Variants in SH3D21 observed in about 807,000 individuals in gnomAD.
SH3D21 encodes the protein SH3 domain-containing protein 21.
Under a neutral mutation model 82.1 loss-of-function variants are expected in SH3D21, and 83 were observed. The ratio of observed to expected loss-of-function variants is 1.01; its 90% CI spans 0.85 to 1.21. SH3D21 has a LOEUF of 1.21. Ranked by LOEUF, SH3D21 falls within the 50% of genes most tolerant of loss-of-function variation. The pLI is 0.00. For missense variants in SH3D21, 980 were observed against 962.1 expected, an observed-to-expected ratio of 1.02 and a Z score of -0.25; for synonymous variants, 383 against 387.8, an observed-to-expected ratio of 0.99 and a Z score of 0.15.
intron 10 of SH3D21, among the ~76,000 whole-genome samples, chr1:36,314,421 A>G (rs947211631): frequency 6.6e-6 from 1 of 150,838 alleles, no homozygotes; most frequent in Admixed American, 6.6e-5. Flanking sequence ...CTAATCATAT[A>G]TATGCGTATA....
In SH3D21 at chr1:36,321,029, C is replaced by G. The variant is rs1553131409; in HGVS notation, c.2200-27C>G. ...GGGCTGACGGCGAGTGGCCCCCTGA[C>G]AAAGTCTCCACCTCACTCCCGACCA... On this transcript the variant is annotated intron_variant, in intron 15 of 15. Coordinates refer to ENST00000453908, the MANE Select transcript of SH3D21 (RefSeq NM_001162530.2). The surrounding 1 kb of genome is among the most constrained non-coding windows in gnomAD (Gnocchi z 6.1). The G allele has an allele frequency of 1.2e-6, 2 of 1,602,110 alleles. No homozygotes were observed. Among genetic ancestry groups the G allele is most frequent in the Admixed American group, 3.4e-5 (2 of 58,698 alleles).
At position 36,307,119 on chromosome 1, in the gene SH3D21, C is replaced by T; in HGVS notation, c.227-48C>T. 1 of 1,548,886 alleles carries T rather than the reference C, an allele frequency of 6.5e-7. No homozygotes were observed. The highest frequency in any genetic ancestry group is 2.4e-5 in the East Asian group (1 of 40,844). On this transcript the variant is annotated intron_variant, in intron 3 of 15. Transcript: ENST00000453908. This position sits in a 1 kb window ranked among gnomAD's most constrained non-coding sequence, Gnocchi z 5.4. ...GCGCCTTGCGCTTCCCCCAGCTCCTCTGACTGGGGCGTCCGACTGGAGCTC... is the reference window on the plus strand; with the variant it reads ...GCGCCTTGCGCTTCCCCCAGCTCCTTTGACTGGGGCGTCCGACTGGAGCTC...
At position 36,309,571 on chromosome 1, in the gene SH3D21, A is replaced by T. The variant is rs1467114453; in HGVS notation, c.750A>T (p.Lys250Asn). ...PPPIKKLVPR[K>N]VVSRESAPIK... The stretch of plus-strand genomic sequence containing the variant: ...AGATCAAGAAGCTGGTCCCACGGAA[A>T]GTGGTATCTCGGGAATCAGGTGAGT... The change falls in exon 10 of 16, where the codon AAA (lysine) becomes AAT (asparagine). Residue 250 changes from lysine to asparagine, a missense_variant. Coordinates refer to ENST00000453908, the MANE Select transcript of SH3D21 (RefSeq NM_001162530.2). 1.9e-6 allele frequency: 3 copies of T among 1,551,556 alleles called. No individual in the cohort carries two copies. In the Admixed American group the frequency reaches 5.9e-5, roughly 30 times the overall value.
At chr1:36,316,761 C>T (rs944203255) in intron 10 of SH3D21, among the ~76,000 whole-genome samples, 3 of 131,484 alleles carry the variant, frequency 2.3e-5, no homozygotes, top group South Asian at 2.5e-4. Context: ...TCAGTTCTCT[C>T]TCTTTTTTTT....
At chr1:36,309,691 C>T in intron 10 of SH3D21, 101 bp downstream of exon 10, 1 of 1,286,040 alleles carries the variant, frequency 7.8e-7, no homozygotes, top group Non-Finnish European at 1.1e-6. Context: ...CCAGTATGCC[C>T]CTATAGGAGC....
chr1:36,324,646 C>G (rs1245281223), downstream of SH3D21: 1 of 152,222 alleles, frequency 6.6e-6, no homozygotes, highest in Non-Finnish European at 1.5e-5. Flanking sequence ...CCTACTCCCC[C>G]AGTCCCGAGA....
At chr1:36,311,441 C>T (rs994136730) in intron 10 of SH3D21, among the ~76,000 whole-genome samples, 3 of 150,882 alleles carry the variant, frequency 2.0e-5, no homozygotes, top group African/African-American at 7.3e-5. Flanking sequence ...GGGGTTTCAC[C>T]GTGTTAGCCA....
chr1:36,313,715 C>T (rs1646283551), intron 10 of SH3D21, among the ~76,000 whole-genome samples: 1 of 151,788 alleles, frequency 6.6e-6, no homozygotes, highest in Non-Finnish European at 1.5e-5. Context: ...TAGGTGTGCA[C>T]CACCACACCT....
intron 10 of SH3D21, among the ~76,000 whole-genome samples, chr1:36,315,916 T>C (rs1188200811): frequency 1.3e-5 from 2 of 152,270 alleles, no homozygotes; most frequent in African/African-American, 4.8e-5. Flanking sequence ...TTTTCAAGAA[T>C]GCTATTTTTC....
chr1:36,309,210 T>C (rs905128032), intron 9 of SH3D21, among the ~76,000 whole-genome samples: 3 of 151,594 alleles, frequency 2.0e-5, no homozygotes, highest in Admixed American at 2.0e-4. Flanking sequence ...TTTTTTTTTT[T>C]CTTGAAGACA....
At chr1:36,310,612 CAAAA>C (rs1297798016) in intron 10 of SH3D21, among the ~76,000 whole-genome samples, 1 of 120,606 alleles carries the variant, frequency 8.3e-6, no homozygotes, top group South Asian at 2.6e-4. Flanking sequence ...GACTCTGTCT[CAAAA>C]AAAAAAAAAA....
rs1255651019 is a variant in SH3D21 at position 36,307,925 on chromosome 1, G to T, written c.500G>T (p.Ser167Ile). ...PGPQRPPKLS[S>I]LAYDSPPDYL... ...TGCCCCTTCCCCCACTAGCTGAGCA[G>T]CCTGGCCTATGACAGCCCTCCAGAC... The change falls in exon 7 of 16, where the codon AGC becomes ATC. Residue 167 changes from serine (S) to isoleucine (I), a missense_variant. By Grantham distance (142) the Ser-to-Ile change is moderately radical (BLOSUM62 -2). Coordinates refer to ENST00000453908, the MANE Select transcript of SH3D21 (RefSeq NM_001162530.2). The surrounding 1 kb of genome is among the most constrained non-coding windows in gnomAD (Gnocchi z 5.4). 6.4e-7 allele frequency: 1 copy of T among 1,551,740 alleles called. No homozygotes were observed. Among genetic ancestry groups the T allele is most frequent in the African/African-American group, 1.4e-5 (1 of 73,170 alleles).
chr1:36,310,038 T>C (rs1466107153), intron 10 of SH3D21, among the ~76,000 whole-genome samples: 2 of 152,096 alleles, frequency 1.3e-5, no homozygotes, highest in African/African-American at 2.4e-5. Context: ...CACTGCAAGC[T>C]CCACCTCCTG....
intron 10 of SH3D21, among the ~76,000 whole-genome samples, chr1:36,315,768 C>G (rs1024330147): frequency 6.6e-6 from 1 of 152,220 alleles, no homozygotes; most frequent in Non-Finnish European, 1.5e-5. Flanking sequence ...ATTGCTGTCA[C>G]GCTGTTCATT....
At chr1:36,327,773 G>T (rs1173436475), downstream of SH3D21, 3 of 1,251,940 alleles carry the variant, frequency 2.4e-6, no homozygotes, top group African/African-American at 4.6e-5. Context: ...CCTTGCCCTG[G>T]AGGGTTTTGA....
rs754514232 is a variant in SH3D21 at position 36,307,172 on chromosome 1, C to A, written c.232C>A (p.Pro78Thr). The change falls in exon 4 of 16, where the codon CCT becomes ACT. Residue 78 changes from proline (P) to threonine (T), a missense_variant. By Grantham distance (38) the Pro-to-Thr change is conservative (BLOSUM62 -1). Transcript: ENST00000453908. The surrounding 1 kb of genome is among the most constrained non-coding windows in gnomAD (Gnocchi z 5.4). ...RPRCARRRGH[P>T]AKHPRPQRWC... is the part of the protein sequence containing the mutation. The stretch of plus-strand genomic sequence containing the variant: ...CCGCGCTTGTCCGGTGCTAGGTCAT[C>A]CTGCCAAACACCCGAGGCCCCAAAG... 8 of 1,551,676 alleles carry A rather than the reference C, an allele frequency of 5.2e-6. No individual in the cohort carries two copies.
chr1:36,313,967 A>ATTTTATT, intron 10 of SH3D21, among the ~76,000 whole-genome samples: 1 of 36,936 alleles, frequency 2.7e-5, no homozygotes, highest in African/African-American at 7.0e-5. Flanking sequence ...TGCTGAACAT[A>ATTTTATT]TTTTCTTTTT....
In SH3D21 at chr1:36,306,461, A is replaced by G; in HGVS notation, c.4+37A>G. On this transcript the variant is annotated intron_variant, in intron 1 of 15. Transcript: ENST00000453908. The surrounding 1 kb of genome is among the most constrained non-coding windows in gnomAD (Gnocchi z 4.5). ...GGCTTTGAGGTGGCCTCTCTCTGCA[A>G]CCGTGGACATAGCAAGAGCCCACAC... is the stretch of plus-strand genomic sequence containing the variant. The G allele has an allele frequency of 7.7e-7, 1 of 1,305,316 alleles. No homozygotes were observed. Among genetic ancestry groups the G allele is most frequent in the Non-Finnish European group, 1.0e-6 (1 of 988,944 alleles). The allele number at this position is 1,305,316 out of a possible 1,614,324, so 80.9% of individuals were successfully genotyped here.
At chr1:36,327,006 G>A (rs1274910736), downstream of SH3D21, among the ~76,000 whole-genome samples, 2 of 152,132 alleles carry the variant, frequency 1.3e-5, no homozygotes, top group African/African-American at 4.8e-5. Flanking sequence ...ACATAAGATG[G>A]ATTTACCACC....
Sources: gnomAD v4.1 joint callset for allele counts (sites outside exome capture counted in the v4.1 genomes callset) on GRCh38, gnomAD v4.1.1 for gene constraint, Gnocchi (gnomAD v3.1) non-coding constraint, MANE v1.5 for transcripts, NCBI Gene and HGNC (gene_info 2026-07-23, HGNC 2026-07-21) for gene names.